Variants in ADAM29 observed in about 807,000 individuals in gnomAD.
ADAM29 encodes the protein disintegrin and metalloproteinase domain-containing protein 29.
For synonymous variants in ADAM29, 367 were observed against 342.3 expected, an observed-to-expected ratio of 1.07 and a Z score of -0.80; for missense variants, 969 against 1,001.8, an observed-to-expected ratio of 0.97 and a Z score of 0.44.
intron 4 of ADAM29, among the ~76,000 whole-genome samples, chr4:174,945,794 A>G (rs188244841): frequency 6.6e-6 from 1 of 152,176 alleles, no homozygotes. Context: ...TGAAGATCAG[A>G]TGGTTCTACA....
chr4:174,940,433 A>C (rs1317164420), intron 4 of ADAM29, among the ~76,000 whole-genome samples: 1 of 152,208 alleles, frequency 6.6e-6, no homozygotes, highest in Non-Finnish European at 1.5e-5. Flanking sequence ...GGGTCCATAA[A>C]GTCCCTAATG....
intron 4 of ADAM29, among the ~76,000 whole-genome samples, chr4:174,960,917 T>C (rs2111058747): frequency 6.6e-6 from 1 of 152,284 alleles, no homozygotes; most frequent in Admixed American, 6.5e-5. Flanking sequence ...GAGCCCAGTC[T>C]ACCTGAGTCA....
chr4:174,947,989 A>G (rs1028645188), intron 4 of ADAM29, among the ~76,000 whole-genome samples: 2 of 152,222 alleles, frequency 1.3e-5, no homozygotes, highest in Non-Finnish European at 1.5e-5. Flanking sequence ...ATATTATGAC[A>G]TTCTTTAAGT....
intron 4 of ADAM29, among the ~76,000 whole-genome samples, chr4:174,942,228 C>A (rs973184514): frequency 6.6e-6 from 1 of 152,136 alleles, no homozygotes; most frequent in East Asian, 1.9e-4. Context: ...GGGGATCTAC[C>A]ATTCTGGGGT....
intron 3 of ADAM29, 39 bp downstream of exon 3, chr4:174,931,213 C>A (rs1181813313): frequency 6.6e-6 from 1 of 152,198 alleles, no homozygotes; most frequent in Non-Finnish European, 1.5e-5. Context: ...CATCACCAAA[C>A]CAGACTCACT....
chr4:174,968,486 C>T (rs1276071667), intron 4 of ADAM29, among the ~76,000 whole-genome samples: 2 of 152,164 alleles, frequency 1.3e-5, no homozygotes, highest in Non-Finnish European at 2.9e-5. Flanking sequence ...TCTCTCTCCA[C>T]TTTTTGTACG....
chr4:174,977,403 A>T lies in ADAM29; in HGVS notation c.1878A>T (p.Ser626=). The T allele has an allele frequency of 6.2e-7, 1 of 1,613,962 alleles. No homozygotes were observed. Among genetic ancestry groups the T allele is most frequent in the South Asian group, 1.1e-5 (1 of 91,050 alleles). The change falls in exon 5 of 5, where the codon TCA becomes TCT. Residue 626 remains serine, a synonymous_variant. Transcript: ENST00000359240. ...TAACCATCTTGAATAGTAATTGCTC[A>T]CCTGCATTTTGTAACAAGAGGGGCA... ...VHITILNSNC[S]PAFCNKRGIC...
chr4:174,925,356 G>A (rs939693801), intron 2 of ADAM29, among the ~76,000 whole-genome samples: 2 of 139,162 alleles, frequency 1.4e-5, no homozygotes, highest in Non-Finnish European at 3.1e-5. Flanking sequence ...GAAACTCTGT[G>A]CTATCTTTGC....
At chr4:174,943,801 A>G (rs1560871946) in intron 4 of ADAM29, among the ~76,000 whole-genome samples, 1 of 106,186 alleles carries the variant, frequency 9.4e-6, no homozygotes, top group Non-Finnish European at 1.9e-5. Flanking sequence ...CATGAGCCTT[A>G]CCACAAATGT....
intron 4 of ADAM29, among the ~76,000 whole-genome samples, chr4:174,957,134 C>A (rs115930114): frequency 5.9e-5 from 9 of 151,752 alleles, no homozygotes; most frequent in Admixed American, 5.3e-4. Flanking sequence ...TGCATTTATG[C>A]GATAGGAAAA....
chr4:174,934,582 A>G (rs1744095345), intron 3 of ADAM29, among the ~76,000 whole-genome samples: 1 of 152,152 alleles, frequency 6.6e-6, no homozygotes, highest in Admixed American at 6.6e-5. Flanking sequence ...TCTATAACCA[A>G]AACTCTTCTT....
At chr4:174,926,720 C>CAAAA (rs1743538726) in intron 2 of ADAM29, among the ~76,000 whole-genome samples, 1 of 100,276 alleles carries the variant, frequency 1.0e-5, no homozygotes, top group Non-Finnish European at 1.9e-5. Context: ...AAGACCATGT[C>CAAAA]CAAAAAAAAA....
intron 4 of ADAM29, among the ~76,000 whole-genome samples, chr4:174,938,213 A>T (rs1467841897): frequency 6.6e-6 from 1 of 152,098 alleles, no homozygotes; most frequent in Non-Finnish European, 1.5e-5. Flanking sequence ...AATATTAAAA[A>T]ACCAAGAAAT....
At chr4:174,944,517 T>G (rs888457374) in intron 4 of ADAM29, among the ~76,000 whole-genome samples, 2 of 152,170 alleles carry the variant, frequency 1.3e-5, no homozygotes, top group African/African-American at 2.4e-5. Context: ...TCTCCTTATT[T>G]GTATTTTTTT....
chr4:174,976,701 G>A lies in ADAM29; in HGVS notation c.1176G>A (p.Lys392=), dbSNP rs1746832815. 6.2e-7 allele frequency: 1 copy of A among 1,613,886 alleles called. No homozygotes were observed. The highest frequency in any genetic ancestry group is 1.3e-5 in the African/African-American group (1 of 74,936). Residue 392 remains lysine, a synonymous_variant, in exon 5 of 5, where the codon AAG becomes AAA. Transcript: ENST00000359240. The stretch of plus-strand genomic sequence containing the variant: ...GTTTGCTTGAAACAGTACACACAAA[G>A]GACATCTTTAATGTGAAGCGCTGTG... The part of the protein sequence containing the change: ...TKCLLETVHT[K]DIFNVKRCGN...
In ADAM29 at chr4:174,958,995, G is replaced by A. The variant is rs577334184; in HGVS notation, c.-180-16351G>A. ...ATTACCTAAATGTATTATTAGTATT[G>A]CTTTAGATAACTAACTGTTAGATCA... On this transcript the variant is annotated intron_variant, in intron 4 of 4. Transcript: ENST00000359240. Among the ~76,000 whole-genome samples, 11 of 151,614 alleles carry A rather than the reference G, an allele frequency of 7.3e-5. 1 individual carries two copies. Among genetic ancestry groups the A allele is most frequent in the African/African-American group, 2.7e-4 (11 of 41,406 alleles).
At chr4:174,967,607 C>T (rs1428791576) in intron 4 of ADAM29, among the ~76,000 whole-genome samples, 1 of 152,118 alleles carries the variant, frequency 6.6e-6, no homozygotes, top group East Asian at 1.9e-4. Context: ...CTGCACATAG[C>T]AAGAAATGGT....
At chr4:174,942,282 C>T (rs1744583378) in intron 4 of ADAM29, among the ~76,000 whole-genome samples, 1 of 152,198 alleles carries the variant, frequency 6.6e-6, no homozygotes, top group South Asian at 2.1e-4. Flanking sequence ...CTAGGCATTG[C>T]TCCAGTGGGA....
intron 4 of ADAM29, among the ~76,000 whole-genome samples, chr4:174,965,427 G>A (rs1746090657): frequency 6.6e-6 from 1 of 151,912 alleles, no homozygotes; most frequent in Non-Finnish European, 1.5e-5. Context: ...TACTACATCA[G>A]GGATCAAATT....
Sources: allele counts gnomAD v4.1 joint callset (sites outside exome capture counted in the v4.1 genomes callset), GRCh38; gene constraint gnomAD v4.1.1; transcripts MANE v1.5; gene names NCBI Gene and HGNC (gene_info 2026-07-23, HGNC 2026-07-21).